Variants in BLVRB observed in about 807,000 individuals in gnomAD.
BLVRB encodes the protein biliverdin reductase B.
A neutral mutation model predicts 21.1 loss-of-function variants in BLVRB; 25 were observed. The ratio of observed to expected loss-of-function variants is 1.19; its 90% confidence interval spans 0.86 to 1.66. BLVRB has a LOEUF of 1.66. Among genes scored for constraint, BLVRB ranks in the 40% most tolerant of loss-of-function variants. The pLI, the probability that BLVRB is intolerant of heterozygous loss-of-function variation, is 0.00. For synonymous variants in BLVRB, 128 were observed against 122.2 expected, an observed-to-expected ratio of 1.05 and a Z score of -0.31; for missense variants, 274 against 282.7, an observed-to-expected ratio of 0.97 and a Z score of 0.22.
At position 40,447,858 on chromosome 19, in the gene BLVRB, G is replaced by A. The variant is rs1061340; in HGVS notation, c.*31C>T. ...CCCTTCCTTTGCTCCTCATGTCCCA[G>A]AATGCCACCCTCCCAGATGGGGACA... On this transcript the variant is annotated 3_prime_UTR_variant, in exon 5 of 5. Transcript: ENST00000263368. 6.3e-7 allele frequency: 1 copy of A among 1,595,746 alleles called. No homozygotes were observed. The highest frequency in any genetic ancestry group is 8.6e-7 in the Non-Finnish European group (1 of 1,165,382).
In BLVRB at chr19:40,447,855, C is replaced by T; in HGVS notation, c.*34G>A. On this transcript the variant is annotated 3_prime_UTR_variant, in exon 5 of 5. Transcript: ENST00000263368. ...GCCCCCTTCCTTTGCTCCTCATGTC[C>T]CAGAATGCCACCCTCCCAGATGGGG... 4 of 1,594,522 alleles carry T rather than the reference C, an allele frequency of 2.5e-6. No homozygotes were observed. The highest frequency in any genetic ancestry group is 3.4e-6 in the Non-Finnish European group (4 of 1,164,516).
At chr19:40,455,939 C>CT (rs2079760467) in intron 3 of BLVRB, among the ~76,000 whole-genome samples, 1 of 151,986 alleles carries the variant, frequency 6.6e-6, no homozygotes, top group Non-Finnish European at 1.5e-5. Context: ...TGGCGAAACT[C>CT]TATCTCTACC....
chr19:40,450,651 G>A (rs1448759212), intron 4 of BLVRB, among the ~76,000 whole-genome samples: 1 of 151,002 alleles, frequency 6.6e-6, no homozygotes, highest in African/African-American at 2.4e-5. Flanking sequence ...CTGGGCTCAA[G>A]CCATCCTCCC....
intron 3 of BLVRB, among the ~76,000 whole-genome samples, chr19:40,455,513 A>G (rs532600158): frequency 6.6e-6 from 1 of 152,276 alleles, no homozygotes; most frequent in East Asian, 1.9e-4. Context: ...CAATATGGTG[A>G]AACCCCATCT....
chr19:40,458,294 G>C lies in BLVRB; in HGVS notation c.245-50C>G, dbSNP rs764777291. 11 of 1,539,450 alleles carry C rather than the reference G, an allele frequency of 7.1e-6. No individual in the cohort carries two copies. In the East Asian group the frequency reaches 1.2e-4, roughly 17 times the overall value. ...TCACTGGTGGGCGGCGGCGGCGGCA[G>C]GGGTGGCAGGGGCGGGGCCGGGGGC... is the stretch of plus-strand genomic sequence containing the variant. On this transcript the variant is annotated intron_variant, in intron 2 of 4. Coordinates refer to ENST00000263368, the MANE Select transcript of BLVRB (RefSeq NM_000713.3).
Position 40,451,373 on chromosome 19 carries a change from G to C in BLVRB, c.454C>G (p.Pro152Ala). 6.2e-7 allele frequency: 1 copy of C among 1,603,982 alleles called. No homozygotes were observed. The highest frequency in any genetic ancestry group is 8.5e-7 in the Non-Finnish European group (1 of 1,175,640). Reference protein sequence around the residue: ...SGLKYVAVMPPHIGDQPLTGA... With the variant: ...SGLKYVAVMPAHIGDQPLTGA... ...TCCCTGCCCTGCTTACCTATGTGTG[G>C]CGGCATCACAGCCACGTACTTCAGG... Residue 152 changes from proline (P) to alanine (A), a missense_variant, in exon 4 of 5, where the codon CCA becomes GCA. Pro to Ala is a conservative substitution (Grantham distance 27, BLOSUM62 -1). Coordinates refer to ENST00000263368, the MANE Select transcript of BLVRB (RefSeq NM_000713.3).
chr19:40,464,758 G>T (rs1169825113), intron 1 of BLVRB, among the ~76,000 whole-genome samples: 1 of 152,172 alleles, frequency 6.6e-6, no homozygotes, highest in Non-Finnish European at 1.5e-5. Context: ...CTCCAAGGGA[G>T]ACAGCAGAGT....
At chr19:40,463,757 A>T (rs1599692262) in intron 1 of BLVRB, among the ~76,000 whole-genome samples, 1 of 146,488 alleles carries the variant, frequency 6.8e-6, no homozygotes, top group African/African-American at 2.5e-5. Flanking sequence ...GGCACGTACC[A>T]CTGTGCCCAG....
chr19:40,452,890 C>CGA (rs2079746297), intron 3 of BLVRB, among the ~76,000 whole-genome samples: 1 of 93,396 alleles, frequency 1.1e-5, no homozygotes, highest in Non-Finnish European at 2.0e-5. Flanking sequence ...CAAAACAAAA[C>CGA]AAAACAAAAA....
intron 3 of BLVRB, among the ~76,000 whole-genome samples, chr19:40,454,980 C>T (rs2079756579): frequency 6.6e-6 from 1 of 151,964 alleles, no homozygotes; most frequent in Non-Finnish European, 1.5e-5. Flanking sequence ...TATTGGGGAC[C>T]ACAGGTGTGT....
At position 40,458,423 on chromosome 19, in the gene BLVRB, G is replaced by C. The variant is rs1260741777; in HGVS notation, c.202C>G (p.Gln68Glu). 11 of 1,592,954 alleles carry C rather than the reference G, an allele frequency of 6.9e-6. No homozygotes were observed. The highest frequency in any genetic ancestry group is 9.4e-6 in the Non-Finnish European group (11 of 1,170,614). Residue 68 changes from glutamine to glutamate, a missense_variant, in exon 2 of 5, where the codon CAG (glutamine) becomes GAG (glutamate). Transcript: ENST00000263368. ...CCCAGCAGCACGATGACAGCGTCCT[G>C]CCCAGCCACGGTCTTGTCCACATCG... ...AADVDKTVAG[Q>E]DAVIVLLGTR...
chr19:40,453,397 C>T (rs1347117247), intron 3 of BLVRB, among the ~76,000 whole-genome samples: 3 of 152,142 alleles, frequency 2.0e-5, no homozygotes, highest in African/African-American at 4.8e-5. Flanking sequence ...TGCCACCACA[C>T]GCTAGAGTTA....
At chr19:40,448,608 A>AATATATATATATATATAT (rs55783717) in intron 4 of BLVRB, among the ~76,000 whole-genome samples, 42 of 126,358 alleles carry the variant, frequency 3.3e-4, no homozygotes, top group South Asian at 5.5e-4. Flanking sequence ...AACAACAACA[A>AATATATATATATATATAT]ATATATATAT....
intron 3 of BLVRB, among the ~76,000 whole-genome samples, chr19:40,452,612 C>T (rs1599686766): frequency 6.6e-6 from 1 of 151,994 alleles, no homozygotes; most frequent in East Asian, 1.9e-4. Flanking sequence ...CCCCTGTAAT[C>T]CCAGCACTTT....
intron 3 of BLVRB, among the ~76,000 whole-genome samples, chr19:40,456,198 G>A (rs1317697904): frequency 6.6e-6 from 1 of 152,134 alleles, no homozygotes. Context: ...TTGTGTGTCT[G>A]TGAACAGAGG....
chr19:40,459,224 G>C lies in BLVRB; in HGVS notation c.80-679C>G, dbSNP rs1312241405. ...CATACCTGTAATCCCAAGTACTTGG[G>C]AAGCTGAGGCAAAAGAATCACTTGA... On this transcript the variant is annotated intron_variant, in intron 1 of 4. Coordinates refer to ENST00000263368, the MANE Select transcript of BLVRB (RefSeq NM_000713.3). Among the ~76,000 whole-genome samples the C allele has an allele frequency of 2.1e-5, 3 of 146,324 alleles. No individual in the cohort carries two copies. In the East Asian group the frequency reaches 6.5e-4, roughly 32 times the overall value.
chr19:40,449,799 GGAGA>G (rs1451839418), intron 4 of BLVRB, among the ~76,000 whole-genome samples: 1 of 152,140 alleles, frequency 6.6e-6, no homozygotes, highest in African/African-American at 2.4e-5. Flanking sequence ...AGAGAGAGGA[GGAGA>G]GAGGGAGAGA....
intron 3 of BLVRB, among the ~76,000 whole-genome samples, chr19:40,453,595 C>G (rs2079749973): frequency 6.6e-6 from 1 of 152,292 alleles, no homozygotes; most frequent in African/African-American, 2.4e-5. Context: ...TTTTTAGGAG[C>G]AGTTTGGTGA....
intron 3 of BLVRB, among the ~76,000 whole-genome samples, chr19:40,454,317 C>T (rs1055970187): frequency 7.9e-5 from 12 of 151,842 alleles, no homozygotes; most frequent in East Asian, 2.0e-4. Context: ...TTGGTAGAGA[C>T]GGGGTTTCAC....
Sources: gnomAD v4.1 joint callset for allele counts (sites outside exome capture counted in the v4.1 genomes callset) on GRCh38, gnomAD v4.1.1 for gene constraint, MANE v1.5 for transcripts, NCBI Gene and HGNC (gene_info 2026-07-23, HGNC 2026-07-21) for gene names.